The following EFHC1 variants were observed in gnomAD, a reference collection of about 807,000 sequenced individuals.
EFHC1 encodes the protein EF-hand domain containing 1.
A neutral mutation model predicts 69.9 loss-of-function variants in EFHC1; 53 were observed. That is an observed-to-expected ratio of 0.76 (90% CI 0.61 to 0.95). The LOEUF is 0.95. EFHC1 is among the 40% of genes least tolerant of loss of function. The pLI is 0.00. For synonymous variants in EFHC1, 256 were observed against 278.4 expected (o/e 0.92, Z 0.80); for missense variants, 739 against 798.7 (o/e 0.93, Z 0.90).
In EFHC1 at chr6:52,479,063, C is replaced by T. The variant is rs774868841; in HGVS notation, c.1305C>T (p.Asp435=). 6.2e-7 allele frequency: 1 copy of T among 1,614,004 alleles called. No individual in the cohort carries two copies. The highest frequency in any genetic ancestry group is 8.5e-7 in the Non-Finnish European group (1 of 1,179,968). Reference sequence around the variant, plus strand: ...AATCCCCCATCCCAGAAGACAAAGACCGCAGATTTGTCTTCTCTTACTTTC... The same window carrying T: ...AATCCCCCATCCCAGAAGACAAAGATCGCAGATTTGTCTTCTCTTACTTTC... ...VLESPIPEDK[D]RRFVFSYFLA... The change falls in exon 8 of 11, where the codon GAC becomes GAT. Residue 435 remains aspartate (D), a synonymous_variant. Transcript: ENST00000371068.
chr6:52,454,186 C>G lies in EFHC1; in HGVS notation c.815C>G (p.Thr272Arg). The change falls in exon 5 of 11, where the codon ACG becomes AGG. Residue 272 changes from threonine (T) to arginine (R), a missense_variant. By Grantham distance (71) the Thr-to-Arg change is moderately conservative. Transcript: ENST00000371068. ...ATTCATTACTATCTTATGGATGATA[C>G]GGTGGAAATTCGAGAGGTCCACGAA... is the stretch of plus-strand genomic sequence containing the variant. The part of the protein sequence containing the change: ...YIIHYYLMDD[T>R]VEIREVHERN... 6.2e-7 allele frequency: 1 copy of G among 1,614,022 alleles called. No individual in the cohort carries two copies. Among genetic ancestry groups the G allele is most frequent in the Non-Finnish European group, 8.5e-7 (1 of 1,180,000 alleles).
chr6:52,425,806 A>G (rs1764288485), intron 2 of EFHC1, among the ~76,000 whole-genome samples: 1 of 152,182 alleles, frequency 6.6e-6, no homozygotes, highest in African/African-American at 2.4e-5. Flanking sequence ...AAGGACCTCT[A>G]ATACCCAGAG....
Position 52,471,907 on chromosome 6 carries a change from TA to T in EFHC1, c.1278+2444del, listed in dbSNP as rs778868096. ...TAAATAAATAACTAAATAATAAAAT[TA>T]AAAAAAAAATTTTTAAAAACCTTTG... is the stretch of plus-strand genomic sequence containing the variant. On this transcript the variant is annotated intron_variant, in intron 7 of 10. Transcript: ENST00000371068. Among the ~76,000 whole-genome samples the T allele has an allele frequency of 3.3e-3, 497 of 149,030 alleles. 2 individuals carry two copies. Among genetic ancestry groups the T allele is most frequent in the East Asian group, 0.012 (62 of 5,134 alleles).
intron 9 of EFHC1, 54 bp downstream of exon 9, chr6:52,479,841 C>T: frequency 1.2e-6 from 2 of 1,606,674 alleles, no homozygotes; most frequent in Non-Finnish European, 1.7e-6. Context: ...GGAAGTAATT[C>T]TTGAGAAAAC....
intron 3 of EFHC1, among the ~76,000 whole-genome samples, chr6:52,450,154 C>A (rs1764883073): frequency 6.6e-6 from 1 of 152,098 alleles, no homozygotes; most frequent in South Asian, 2.1e-4. Flanking sequence ...TTTTATTATG[C>A]TGTCATCTGG....
In EFHC1 at chr6:52,420,422, T is replaced by G; in HGVS notation, c.12T>G (p.Asn4Lys). 6.2e-7 allele frequency: 1 copy of G among 1,614,182 alleles called. No homozygotes were observed. MVS[N>K]PVHGLPFLPG... ...TGGTACCGGCTGCAATGGTGTCCAA[T>G]CCCGTGCATGGCTTGCCCTTTCTTC... The change falls in exon 1 of 11, where the codon AAT becomes AAG. Residue 4 changes from asparagine to lysine, a missense_variant. Transcript: ENST00000371068.
chr6:52,449,979 T>G (rs568138707), intron 3 of EFHC1, among the ~76,000 whole-genome samples: 2 of 152,342 alleles, frequency 1.3e-5, no homozygotes, highest in Admixed American at 6.5e-5. Flanking sequence ...GCCTTAGCTG[T>G]GTCCCAGAGA....
rs1338058518 is a variant in EFHC1, at chr6:52,496,122, TAGCA to T, written c.*3787_*3790del. On this transcript the variant is annotated 3_prime_UTR_variant, in exon 11 of 11. Coordinates refer to ENST00000371068, the MANE Select transcript of EFHC1 (RefSeq NM_018100.4). ...TGGAAGGGAGCTGAGCATTACCCTG[TAGCA>T]AGCAATATTGTAGGAAGCAGAAATG... The T allele has an allele frequency of 6.0e-6, 1 of 166,826 alleles. No individual in the cohort carries two copies. The highest frequency in any genetic ancestry group is 1.3e-5 in the Non-Finnish European group (1 of 75,660). The allele number at this position is 166,826 out of a possible 1,614,324, so 10.3% of individuals were successfully genotyped here. A position where few individuals can be genotyped will look rare whatever the true frequency, so the allele number is the denominator to read the frequency against.
At chr6:52,461,168 A>G (rs1435130651) in intron 5 of EFHC1, among the ~76,000 whole-genome samples, 2 of 152,142 alleles carry the variant, frequency 1.3e-5, no homozygotes, top group South Asian at 2.1e-4. Flanking sequence ...TTTGTCTCCC[A>G]GGTATTAAGC....
chr6:52,447,291 T>G (rs1764808732), intron 3 of EFHC1, among the ~76,000 whole-genome samples: 1 of 152,218 alleles, frequency 6.6e-6, no homozygotes, highest in Non-Finnish European at 1.5e-5. Flanking sequence ...AAACTTCTCT[T>G]CTCACTTCAT....
At chr6:52,492,172 A>G in intron 10 of EFHC1, 98 bp from the exon 11 acceptor site, 5 of 1,095,698 alleles carry the variant, frequency 4.6e-6, no homozygotes, top group Non-Finnish European at 7.0e-6. Context: ...GAACTGATTT[A>G]CAAAGGCTCG....
intron 5 of EFHC1, among the ~76,000 whole-genome samples, chr6:52,459,045 C>T (rs1438503356): frequency 6.6e-6 from 1 of 152,028 alleles, no homozygotes; most frequent in Non-Finnish European, 1.5e-5. Flanking sequence ...AAGACAGGAA[C>T]AATAGACACT....
intron 9 of EFHC1, among the ~76,000 whole-genome samples, chr6:52,481,166 C>T (rs1390190766): frequency 6.6e-6 from 1 of 151,916 alleles, no homozygotes; most frequent in Non-Finnish European, 1.5e-5. Context: ...TTGAAGGTAG[C>T]ACCAATTGGA....
At chr6:52,460,572 C>T (rs760446074) in intron 5 of EFHC1, among the ~76,000 whole-genome samples, 4 of 152,062 alleles carry the variant, frequency 2.6e-5, no homozygotes, top group Non-Finnish European at 4.4e-5. Context: ...CTAGATATGT[C>T]ATAGTCAAAT....
intron 3 of EFHC1, among the ~76,000 whole-genome samples, chr6:52,450,121 G>T (rs188400121): frequency 1.8e-4 from 28 of 152,170 alleles, no homozygotes; most frequent in Admixed American, 4.6e-4. Flanking sequence ...GTTTTGAGTG[G>T]TTTTTTTAGT....
At chr6:52,467,563 TCCTAA>T (rs796286959) in intron 6 of EFHC1, among the ~76,000 whole-genome samples, 3 of 152,128 alleles carry the variant, frequency 2.0e-5, no homozygotes, top group African/African-American at 7.2e-5. Context: ...CTTTTTTTTC[TCCTAA>T]CCTATCTTGA....
At chr6:52,471,922 T>C (rs183574515) in intron 7 of EFHC1, among the ~76,000 whole-genome samples, 1 of 151,196 alleles carries the variant, frequency 6.6e-6, no homozygotes, top group Non-Finnish European at 1.5e-5. Context: ...AAAAAATTTT[T>C]AAAAACCTTT....
chr6:52,492,340 G>A lies in EFHC1; in HGVS notation c.1922G>A (p.Ter641=). The change falls in exon 11 of 11, where the codon TGA becomes TAA. Residue 641 remains the stop codon, a stop_retained_variant. Coordinates refer to ENST00000371068, the MANE Select transcript of EFHC1 (RefSeq NM_018100.4). ...YYNFVRAFSN[*] Reference sequence around the variant, plus strand: ...AACTTTGTTCGTGCTTTCTCAAACTGACCTGCTGATGAGAAAATGCAAGAC... The same window carrying A: ...AACTTTGTTCGTGCTTTCTCAAACTAACCTGCTGATGAGAAAATGCAAGAC... The A allele has an allele frequency of 6.2e-7, 1 of 1,613,708 alleles. No homozygotes were observed. The highest frequency in any genetic ancestry group is 8.5e-7 in the Non-Finnish European group (1 of 1,179,798).
chr6:52,472,966 A>T (rs999857773), intron 7 of EFHC1, among the ~76,000 whole-genome samples: 12 of 152,188 alleles, frequency 7.9e-5, no homozygotes, highest in African/African-American at 2.4e-4. Context: ...TTATAAAAAT[A>T]TTTTCCCCAA....
Sources: allele counts gnomAD v4.1 joint callset (sites outside exome capture counted in the v4.1 genomes callset), GRCh38; gene constraint gnomAD v4.1.1; transcripts MANE v1.5; gene names NCBI Gene and HGNC (gene_info 2026-07-23, HGNC 2026-07-21).